The following ADAMTS18 variants were observed in gnomAD, a reference collection of about 807,000 sequenced individuals.
ADAMTS18 encodes the protein A disintegrin and metalloproteinase with thrombospondin motifs 18.
A neutral mutation model predicts 165.9 loss-of-function variants in ADAMTS18; 157 were observed. The ratio of observed to expected loss-of-function variants is 0.95; its 90% CI spans 0.83 to 1.08. The LOEUF is 1.08. ADAMTS18 is among the 50% of genes least tolerant of loss of function. The probability of loss-of-function intolerance (pLI) is 0.00; values close to 1 mark genes in which losing one functional copy is unlikely to be tolerated. For synonymous variants in ADAMTS18, 782 were observed against 578.2 expected (o/e 1.35, Z -5.06); for missense variants, 2,040 against 1,534.0 (o/e 1.33, Z -5.51).
intron 17 of ADAMTS18, among the ~76,000 whole-genome samples, chr16:77,299,279 C>T (rs1567462740): frequency 6.6e-6 from 1 of 152,278 alleles, no homozygotes; most frequent in East Asian, 1.9e-4. Flanking sequence ...TGGCTATTGC[C>T]TGTTTACAAA....
chr16:77,395,745 T>TA (rs1045172389), intron 3 of ADAMTS18, among the ~76,000 whole-genome samples: 6 of 151,358 alleles, frequency 4.0e-5, no homozygotes, highest in Admixed American at 1.3e-4. Flanking sequence ...ACTAAGGATT[T>TA]AAAAAAAAAT....
intron 12 of ADAMTS18, among the ~76,000 whole-genome samples, chr16:77,333,954 A>ACTATATATAATATAGTGTCATATG (rs2056234398): frequency 1.4e-5 from 2 of 141,882 alleles, no homozygotes; most frequent in African/African-American, 5.3e-5. Context: ...AGTGTCATAT[A>ACTATATATAATATAGTGTCATATG]TACTATATAT....
At chr16:77,350,051 C>T (rs1013127696) in intron 10 of ADAMTS18, among the ~76,000 whole-genome samples, 2 of 152,188 alleles carry the variant, frequency 1.3e-5, no homozygotes, top group Admixed American at 1.3e-4. Context: ...CTCGATCAGT[C>T]TGTGACAGCG....
intron 12 of ADAMTS18, among the ~76,000 whole-genome samples, chr16:77,326,378 C>T (rs911648511): frequency 6.6e-6 from 1 of 151,840 alleles, no homozygotes; most frequent in African/African-American, 2.4e-5. Context: ...AGAAGTTTTA[C>T]TTTTTATTTT....
chr16:77,393,042 T>C (rs1382415431), intron 3 of ADAMTS18, among the ~76,000 whole-genome samples: 1 of 152,198 alleles, frequency 6.6e-6, no homozygotes, highest in Admixed American at 6.5e-5. Flanking sequence ...AAAGGGTTAA[T>C]GCGCTGGTCA....
At chr16:77,380,793 G>A (rs76401718) in intron 3 of ADAMTS18, among the ~76,000 whole-genome samples, 2 of 152,106 alleles carry the variant, frequency 1.3e-5, no homozygotes, top group African/African-American at 4.8e-5. Context: ...TATGCACCAG[G>A]CACCGCACAT....
intron 3 of ADAMTS18, among the ~76,000 whole-genome samples, chr16:77,401,662 G>A (rs1183261458): frequency 6.6e-6 from 1 of 152,192 alleles, no homozygotes; most frequent in South Asian, 2.1e-4. Flanking sequence ...ATTTCTGGGT[G>A]TGTCTATGAG....
At chr16:77,373,917 A>G (rs557313471) in intron 3 of ADAMTS18, among the ~76,000 whole-genome samples, 3 of 152,216 alleles carry the variant, frequency 2.0e-5, no homozygotes, top group Admixed American at 1.3e-4. Context: ...GTTATCAGCT[A>G]GTAAATATTT....
intron 4 of ADAMTS18, 117 bp from the exon 5 acceptor site, chr16:77,364,498 C>T: frequency 1.8e-6 from 2 of 1,113,146 alleles, no homozygotes; most frequent in Non-Finnish European, 2.6e-6. Context: ...CACCACCAAT[C>T]CACTAACAAG....
chr16:77,426,502 C>G (rs2057674926), intron 3 of ADAMTS18, among the ~76,000 whole-genome samples: 1 of 152,190 alleles, frequency 6.6e-6, no homozygotes, highest in Non-Finnish European at 1.5e-5. Flanking sequence ...ACTTCACCAG[C>G]TCCCCACTTT....
chr16:77,305,581 C>G (rs1051554701), intron 16 of ADAMTS18, among the ~76,000 whole-genome samples: 3 of 152,214 alleles, frequency 2.0e-5, no homozygotes, highest in African/African-American at 7.2e-5. Context: ...CCAGCTAAAT[C>G]CAGGTTTTCT....
At chr16:77,358,007 C>A (rs1395179412) in intron 8 of ADAMTS18, among the ~76,000 whole-genome samples, 1 of 152,154 alleles carries the variant, frequency 6.6e-6, no homozygotes, top group African/African-American at 2.4e-5. Flanking sequence ...GACACCTGTT[C>A]GGTTGGACTT....
intron 16 of ADAMTS18, among the ~76,000 whole-genome samples, chr16:77,308,444 CAA>C (rs1229762831): frequency 2.0e-5 from 3 of 151,366 alleles, no homozygotes; most frequent in Non-Finnish European, 2.9e-5. Flanking sequence ...GAGATACAGA[CAA>C]AGAGACAGAG....
At chr16:77,375,713 G>C (rs1332612795) in intron 3 of ADAMTS18, among the ~76,000 whole-genome samples, 1 of 152,138 alleles carries the variant, frequency 6.6e-6, no homozygotes, top group Admixed American at 6.5e-5. Flanking sequence ...TGGATTCATC[G>C]TTCTCTCATT....
intron 3 of ADAMTS18, among the ~76,000 whole-genome samples, chr16:77,383,656 C>A (rs1280889437): frequency 6.6e-6 from 1 of 152,100 alleles, no homozygotes; most frequent in Non-Finnish European, 1.5e-5. Flanking sequence ...CAATTATCTG[C>A]CTCAGCCTCC....
intron 10 of ADAMTS18, among the ~76,000 whole-genome samples, chr16:77,347,499 C>A (rs1597152317): frequency 1.3e-5 from 2 of 152,280 alleles, no homozygotes; most frequent in Admixed American, 1.3e-4. Flanking sequence ...ATTCTCCATT[C>A]CAGTCAGTGT....
At chr16:77,291,782 G>A (rs1007481263) in intron 20 of ADAMTS18, among the ~76,000 whole-genome samples, 1 of 152,174 alleles carries the variant, frequency 6.6e-6, no homozygotes, top group Non-Finnish European at 1.5e-5. Context: ...CAGGAGAAAG[G>A]CAAGATGGGC....
chr16:77,381,009 G>C (rs979314025), intron 3 of ADAMTS18, among the ~76,000 whole-genome samples: 1 of 152,040 alleles, frequency 6.6e-6, no homozygotes, highest in African/African-American at 2.4e-5. Context: ...GGAGTAGCTG[G>C]GATTACAAGT....
At chr16:77,292,994 T>G (rs1245643721) in intron 20 of ADAMTS18, 82 bp downstream of exon 20, 7 of 1,578,550 alleles carry the variant, frequency 4.4e-6, no homozygotes, top group Non-Finnish European at 6.1e-6. Flanking sequence ...TAATTTTTTG[T>G]ATTTTTAGTA....
Sources: allele counts gnomAD v4.1 joint callset (sites outside exome capture counted in the v4.1 genomes callset), GRCh38; gene constraint gnomAD v4.1.1; transcripts MANE v1.5; gene names NCBI Gene and HGNC (gene_info 2026-07-23, HGNC 2026-07-21).